LRRTM4: variants seen among roughly 807,000 people sequenced by gnomAD.
LRRTM4 encodes the protein leucine-rich repeat transmembrane neuronal protein 4.
A neutral mutation model predicts 47.6 loss-of-function variants in LRRTM4; 25 were observed. That is an observed-to-expected ratio of 0.53 (90% confidence interval 0.38 to 0.73). The LOEUF is 0.73. LRRTM4 is among the 30% of genes least tolerant of loss of function. The pLI, the probability that LRRTM4 is intolerant of heterozygous loss-of-function variation, is 0.00. For missense variants in LRRTM4, 638 were observed against 713.4 expected, an observed-to-expected ratio of 0.89 and a Z score of 1.20; for synonymous variants, 311 against 269.5, an observed-to-expected ratio of 1.15 and a Z score of -1.51.
At chr2:77,147,749 C>A (rs576246907) in intron 3 of LRRTM4, among the ~76,000 whole-genome samples, 15 of 152,036 alleles carry the variant, frequency 9.9e-5, no homozygotes, top group South Asian at 2.1e-4. Flanking sequence ...CTGAGAAATT[C>A]AAAAACATAA....
intron 3 of LRRTM4, among the ~76,000 whole-genome samples, chr2:77,166,841 A>G (rs1348914098): frequency 1.3e-5 from 2 of 152,166 alleles, no homozygotes; most frequent in Non-Finnish European, 2.9e-5. Context: ...TACACCTAAA[A>G]CCATAAAAAC....
At chr2:77,464,127 A>G (rs1314574619) in intron 3 of LRRTM4, among the ~76,000 whole-genome samples, 1 of 152,092 alleles carries the variant, frequency 6.6e-6, no homozygotes, top group Non-Finnish European at 1.5e-5. Flanking sequence ...CAGACAAGGA[A>G]AATGACCTGG....
intron 3 of LRRTM4, among the ~76,000 whole-genome samples, chr2:76,909,719 A>T (rs1003029489): frequency 3.3e-5 from 5 of 152,232 alleles, no homozygotes; most frequent in African/African-American, 1.2e-4. Context: ...GAAGACATTT[A>T]TGCAGCCAAA....
intron 3 of LRRTM4, among the ~76,000 whole-genome samples, chr2:77,087,253 G>A (rs1052498484): frequency 2.6e-4 from 40 of 152,090 alleles, no homozygotes; most frequent in African/African-American, 9.4e-4. Context: ...TTTCCTAAGT[G>A]AATTGATGAA....
intron 3 of LRRTM4, among the ~76,000 whole-genome samples, chr2:77,174,145 TC>T (rs1673128638): frequency 1.3e-5 from 2 of 152,110 alleles, no homozygotes. Context: ...CCACTATCAA[TC>T]CTGCCCGTGC....
chr2:76,768,082 G>A (rs1269402975), intron 3 of LRRTM4, among the ~76,000 whole-genome samples: 1 of 152,098 alleles, frequency 6.6e-6, no homozygotes, highest in African/African-American at 2.4e-5. Context: ...AACAGAAAAA[G>A]CAGGTTTTAA....
intron 3 of LRRTM4, among the ~76,000 whole-genome samples, chr2:77,372,722 T>C (rs543253020): frequency 6.6e-6 from 1 of 151,880 alleles, no homozygotes; most frequent in East Asian, 1.9e-4. Flanking sequence ...TTGTAGTTGC[T>C]ATAAGCCTCT....
At chr2:77,016,203 T>A (rs1226064538) in intron 3 of LRRTM4, among the ~76,000 whole-genome samples, 3 of 151,912 alleles carry the variant, frequency 2.0e-5, no homozygotes, top group African/African-American at 7.3e-5. Context: ...CTGGCCAACA[T>A]TGTGACATCC....
chr2:76,953,162 AT>A (rs1377820135), intron 3 of LRRTM4, among the ~76,000 whole-genome samples: 171 of 100,674 alleles, frequency 1.7e-3, no homozygotes, highest in African/African-American at 9.3e-3. Context: ...TTGAAAAAAA[AT>A]AAAGTAAAAA....
At chr2:77,102,531 A>G (rs1012782813) in intron 3 of LRRTM4, among the ~76,000 whole-genome samples, 9 of 152,242 alleles carry the variant, frequency 5.9e-5, no homozygotes, top group African/African-American at 2.2e-4. Flanking sequence ...AAATGGGGGA[A>G]TATTCCCACG....
intron 3 of LRRTM4, among the ~76,000 whole-genome samples, chr2:77,374,600 A>T (rs1162221489): frequency 1.3e-5 from 2 of 151,724 alleles, no homozygotes; most frequent in Non-Finnish European, 1.5e-5. Flanking sequence ...ATGAGTGTCA[A>T]CCCACTCCTC....
intron 3 of LRRTM4, among the ~76,000 whole-genome samples, chr2:77,122,501 T>G (rs1558590841): frequency 6.7e-6 from 1 of 149,948 alleles, no homozygotes; most frequent in African/African-American, 2.4e-5. Flanking sequence ...ATACTATATA[T>G]ACACACACAT....
intron 3 of LRRTM4, among the ~76,000 whole-genome samples, chr2:77,415,999 A>G (rs894856932): frequency 6.6e-6 from 1 of 152,140 alleles, no homozygotes; most frequent in Non-Finnish European, 1.5e-5. Context: ...TAGTAAGTCT[A>G]TATAATTGGC....
chr2:76,792,131 T>TA (rs60116771), intron 3 of LRRTM4, among the ~76,000 whole-genome samples: 19,292 of 152,058 alleles, frequency 0.13, 1,339 homozygotes, highest in Non-Finnish European at 0.15. Flanking sequence ...TTTCTAGTCC[T>TA]AAAAAAGAGA....
intron 3 of LRRTM4, among the ~76,000 whole-genome samples, chr2:77,347,652 A>C (rs1671616957): frequency 6.6e-6 from 1 of 152,092 alleles, no homozygotes; most frequent in South Asian, 2.1e-4. Flanking sequence ...GCAAAAAATA[A>C]AGTTTTAAAA....
At chr2:77,091,525 C>G (rs1230279500) in intron 3 of LRRTM4, among the ~76,000 whole-genome samples, 1 of 150,990 alleles carries the variant, frequency 6.6e-6, no homozygotes, top group Non-Finnish European at 1.5e-5. Context: ...CCTTATCAAC[C>G]AAATTGTTTT....
At chr2:77,360,467 AATACGATATGATACGATACGATACG>A (rs1558706110) in intron 3 of LRRTM4, among the ~76,000 whole-genome samples, 2 of 139,960 alleles carry the variant, frequency 1.4e-5, no homozygotes, top group African/African-American at 5.3e-5. Flanking sequence ...CAAAAAATAC[AATACGATATGATACGATACGATACG>A]ATACGATACG....
chr2:77,476,598 C>A (rs1039589006), intron 3 of LRRTM4, among the ~76,000 whole-genome samples: 1 of 151,846 alleles, frequency 6.6e-6, no homozygotes, highest in Non-Finnish European at 1.5e-5. Context: ...AAACTCAAAG[C>A]CAAATTTGTT....
intron 3 of LRRTM4, among the ~76,000 whole-genome samples, chr2:77,346,822 G>T (rs1671578556): frequency 6.6e-6 from 1 of 151,206 alleles, no homozygotes; most frequent in Non-Finnish European, 1.5e-5. Flanking sequence ...ACAATAGATT[G>T]ATTTTAAAAA....
Sources: allele counts gnomAD v4.1 joint callset (sites outside exome capture counted in the v4.1 genomes callset), GRCh38; gene constraint gnomAD v4.1.1; transcripts MANE v1.5; gene names NCBI Gene and HGNC (gene_info 2026-07-23, HGNC 2026-07-21).